UTP6: variants seen among roughly 807,000 people sequenced by gnomAD.
The protein encoded by UTP6 is U3 small nucleolar RNA-associated protein 6 homolog.
Under a neutral mutation model 96.5 loss-of-function variants are expected in UTP6, and 60 were observed. The observed-to-expected ratio is 0.62, with a 90% CI of 0.51 to 0.77. UTP6 has a LOEUF of 0.77. UTP6 is among the 30% of genes least tolerant of loss of function. UTP6 has a pLI of 0.00. For synonymous variants in UTP6, 215 were observed against 240.1 expected (o/e 0.90, Z 0.96); for missense variants, 637 against 706.5 (o/e 0.90, Z 1.12).
At chr17:31,873,350 A>G (rs1396717613) in intron 16 of UTP6, 28 bp downstream of exon 16, 1 of 1,604,534 alleles carries the variant, frequency 6.2e-7, no homozygotes, top group Non-Finnish European at 8.5e-7. Flanking sequence ...TAGAGGGACT[A>G]GTAACAACTA....
chr17:31,892,871 C>T (rs1753170776), intron 4 of UTP6, 77 bp from the exon 5 acceptor site: 1 of 1,576,420 alleles, frequency 6.3e-7, no homozygotes, highest in South Asian at 1.1e-5. Context: ...ATTAATTTTG[C>T]TAAAAACAAG....
rs752188948 is a variant in UTP6, at chr17:31,878,660, G to A, written c.1047+42C>T. Reference sequence around the variant, plus strand: ...TGTGCTTCTGTTCTTTCAGAAGGCAGTCACTATCTAGTCAACCACTGTAAC... The same window carrying A: ...TGTGCTTCTGTTCTTTCAGAAGGCAATCACTATCTAGTCAACCACTGTAAC... On this transcript the variant is annotated intron_variant, in intron 12 of 18. Coordinates refer to ENST00000261708, the MANE Select transcript of UTP6 (RefSeq NM_018428.3). 1.8e-5 allele frequency: 28 copies of A among 1,565,798 alleles called. No homozygotes were observed. In the African/African-American group the frequency reaches 3.4e-4, roughly 19 times the overall value.
At chr17:31,886,396 A>G (rs563230672) in intron 8 of UTP6, among the ~76,000 whole-genome samples, 1 of 152,220 alleles carries the variant, frequency 6.6e-6, no homozygotes, top group Admixed American at 6.6e-5. Context: ...TGGCGTGGTG[A>G]CTCATGCCTA....
At chr17:31,876,879 G>A (rs1022150486) in intron 13 of UTP6, among the ~76,000 whole-genome samples, 2 of 152,000 alleles carry the variant, frequency 1.3e-5, no homozygotes, top group African/African-American at 4.8e-5. Flanking sequence ...AGGTGTGTTG[G>A]TGCACGCCTG....
intron 1 of UTP6, among the ~76,000 whole-genome samples, chr17:31,901,034 C>G (rs1253574499): frequency 6.6e-6 from 1 of 152,176 alleles, no homozygotes; most frequent in African/African-American, 2.4e-5. Flanking sequence ...TACTGAATGT[C>G]TACCATGTGC....
chr17:31,901,382 T>A, intron 1 of UTP6, 154 bp downstream of exon 1: 1 of 676,864 alleles, frequency 1.5e-6, no homozygotes, highest in East Asian at 2.7e-5. Flanking sequence ...GAATGAAAAA[T>A]TAATTCTGGA....
In UTP6 at chr17:31,901,666, C is replaced by T. The variant is rs1904989971; in HGVS notation, c.-39G>A. The T allele has an allele frequency of 1.9e-6, 3 of 1,598,478 alleles. No homozygotes were observed. The highest frequency in any genetic ancestry group is 1.1e-5 in the South Asian group (1 of 90,862). On this transcript the variant is annotated 5_prime_UTR_variant, in exon 1 of 19. Coordinates refer to ENST00000261708, the MANE Select transcript of UTP6 (RefSeq NM_018428.3). The stretch of plus-strand genomic sequence containing the variant: ...TACAACCCCGCGGGTAGCTTCTCAA[C>T]AGCGAACACGAGCAGGAAGCTCCCG...
Position 31,892,269 on chromosome 17 carries a change from T to C in UTP6, c.415A>G (p.Asn139Asp). Residue 139 changes from asparagine (N) to aspartate (D), a missense_variant, in exon 6 of 19, where the codon AAC becomes GAC. Asn to Asp is a conservative substitution (Grantham distance 23). Coordinates refer to ENST00000261708, the MANE Select transcript of UTP6 (RefSeq NM_018428.3). ...VFSAMLAIHS[N>D]KPALWIMAAK... is the part of the protein sequence containing the mutation. ...AAAGATTTCACCATACCTGGTTTGT[T>C]GGAATGAATCGCCAACATGGCAGAG... The C allele has an allele frequency of 6.2e-7, 1 of 1,614,134 alleles. No individual in the cohort carries two copies. The highest frequency in any genetic ancestry group is 8.5e-7 in the Non-Finnish European group (1 of 1,180,026).
chr17:31,892,042 T>C (rs1277200191), intron 6 of UTP6: 2 of 540,068 alleles, frequency 3.7e-6, no homozygotes, highest in Non-Finnish European at 6.6e-6. Context: ...AGAAATACAG[T>C]CCTTCTTGCC....
At chr17:31,890,858 A>G (rs990651009) in intron 6 of UTP6, among the ~76,000 whole-genome samples, 1 of 151,396 alleles carries the variant, frequency 6.6e-6, no homozygotes, top group Admixed American at 6.6e-5. Flanking sequence ...GTGGTGGTGC[A>G]CATCTGTAAT....
chr17:31,873,321 T>C, intron 16 of UTP6, 57 bp downstream of exon 16: 7 of 1,490,166 alleles, frequency 4.7e-6, no homozygotes, highest in Non-Finnish European at 6.5e-6. Context: ...AATCTGGGTA[T>C]GAGCGGCTGA....
At chr17:31,879,885 C>A (rs1302272577) in intron 11 of UTP6, among the ~76,000 whole-genome samples, 3 of 151,948 alleles carry the variant, frequency 2.0e-5, no homozygotes, top group African/African-American at 7.3e-5. Flanking sequence ...GTGAGCAAAC[C>A]ACCTGAGGTC....
At chr17:31,888,672 G>A (rs1006468645) in intron 7 of UTP6, among the ~76,000 whole-genome samples, 5 of 152,100 alleles carry the variant, frequency 3.3e-5, no homozygotes, top group Non-Finnish European at 7.4e-5. Context: ...TCCAGCCTGG[G>A]AAACAGAACG....
intron 10 of UTP6, among the ~76,000 whole-genome samples, chr17:31,883,977 T>C (rs1327450411): frequency 1.3e-5 from 2 of 150,294 alleles, no homozygotes; most frequent in East Asian, 3.9e-4. Flanking sequence ...GCCAGGAAAT[T>C]TTTTTTTAAC....
intron 1 of UTP6, 49 bp from the exon 2 acceptor site, chr17:31,899,779 C>T (rs747228273): frequency 3.8e-6 from 5 of 1,303,168 alleles, no homozygotes; most frequent in South Asian, 2.7e-5. Flanking sequence ...AAAAATTAAA[C>T]GTTTAAGTTT....
In UTP6 at chr17:31,882,959, T is replaced by C. The variant is rs563881238; in HGVS notation, c.785+1465A>G. Among the ~76,000 whole-genome samples, 277 of 152,156 alleles carry C rather than the reference T, an allele frequency of 1.8e-3. No homozygotes were observed. In the Middle Eastern group the frequency reaches 0.02, roughly 11 times the overall value. On this transcript the variant is annotated intron_variant, in intron 10 of 18. Transcript: ENST00000261708. Reference sequence around the variant, plus strand: ...TGTCACCATACCCAACTAATTTTATTGTTATTTTTTGTAAAAACAGGTCTC... The same window carrying C: ...TGTCACCATACCCAACTAATTTTATCGTTATTTTTTGTAAAAACAGGTCTC...
chr17:31,887,932 G>A (rs1030933274), intron 7 of UTP6: 5 of 125,094 alleles, frequency 4.0e-5, no homozygotes, highest in Admixed American at 3.1e-4. Flanking sequence ...TTGCACTCCT[G>A]CCTGAGCAAC....
chr17:31,878,605 C>A, intron 12 of UTP6, 97 bp downstream of exon 12: 1 of 1,202,680 alleles, frequency 8.3e-7, no homozygotes, highest in Non-Finnish European at 1.2e-6. Context: ...CATAAAAGTT[C>A]TCAGAAACTG....
At chr17:31,877,966 CAAAAA>C (rs527445811) in intron 13 of UTP6, among the ~76,000 whole-genome samples, 1 of 52,268 alleles carries the variant, frequency 1.9e-5, no homozygotes, top group Non-Finnish European at 3.9e-5. Context: ...AACTCCGTCT[CAAAAA>C]AAAAAAAAAA....
Sources: allele counts gnomAD v4.1 joint callset (sites outside exome capture counted in the v4.1 genomes callset), GRCh38; gene constraint gnomAD v4.1.1; transcripts MANE v1.5; gene names NCBI Gene and HGNC (gene_info 2026-07-23, HGNC 2026-07-21).